TNRC6C: variants seen among roughly 807,000 people sequenced by gnomAD.
TNRC6C encodes the protein trinucleotide repeat containing adaptor 6C, also known as trinucleotide repeat-containing gene 6C protein.
Under a neutral mutation model 153.7 loss-of-function variants are expected in TNRC6C, and 20 were observed. The ratio of observed to expected loss-of-function variants is 0.13; its 90% CI spans 0.09 to 0.19. The LOEUF is 0.19. Ranked by LOEUF, TNRC6C falls within the 10% of genes least tolerant of loss-of-function variation. The pLI is 1.00. For synonymous variants in TNRC6C, 811 were observed against 841.4 expected, an observed-to-expected ratio of 0.96 and a Z score of 0.63; for missense variants, 1,987 against 2,172.0, an observed-to-expected ratio of 0.91 and a Z score of 1.69.
intron 16 of TNRC6C, 28 bp downstream of exon 19, chr17:78,097,889 GTAGCATTTTCT>G: frequency 6.8e-7 from 1 of 1,473,772 alleles, no homozygotes; most frequent in East Asian, 2.5e-5. Flanking sequence ...AGACTTGCAG[GTAGCATTTTCT>G]TTCTTTTCCC....
intron 1 of TNRC6C, among the ~76,000 whole-genome samples, chr17:77,994,762 AAAC>A (rs1240477708): frequency 2.0e-5 from 3 of 152,222 alleles, no homozygotes; most frequent in African/African-American, 7.2e-5. Flanking sequence ...AACAAAAACA[AAAC>A]AACAGGCAAG....
chr17:78,010,249 A>G (rs897347538), intron 1 of TNRC6C, among the ~76,000 whole-genome samples: 2 of 152,140 alleles, frequency 1.3e-5, no homozygotes, highest in Non-Finnish European at 2.9e-5. Flanking sequence ...GAGGTATTAA[A>G]CTTTACCATG....
intron 1 of TNRC6C, among the ~76,000 whole-genome samples, chr17:77,991,488 C>T (rs1285963537): frequency 1.3e-4 from 20 of 152,146 alleles, no homozygotes; most frequent in Non-Finnish European, 2.9e-4. Context: ...AAGTTGTGGT[C>T]ACTTGAATGT....
chr17:78,068,578 G>C (rs993511288), intron 5 of TNRC6C, among the ~76,000 whole-genome samples: 15 of 152,166 alleles, frequency 9.9e-5, no homozygotes, highest in African/African-American at 3.1e-4. Flanking sequence ...TGGATCACTT[G>C]AGGTCAGGAG....
Position 78,086,874 on chromosome 17 carries a change from C to G in TNRC6C, c.3583C>G (p.Leu1195Val), listed in dbSNP as rs1450323735. ...CCAGGTTGCGCGCACAATCACTAATCTGCAGCAGCAGATCCAGCAGCACCA... is the reference window on the plus strand; with the variant it reads ...CCAGGTTGCGCGCACAATCACTAATGTGCAGCAGCAGATCCAGCAGCACCA... Residue 1195 changes from leucine (L) to valine (V), a missense_variant, in exon 13 of 20, where the codon CTG becomes GTG. Physicochemically the swap from Leu to Val is conservative, Grantham distance 32. This residue lies in a region of TNRC6C where 765 missense variants were observed against 908.6 expected (regional missense o/e 0.84). Coordinates refer to ENST00000301624, the Ensembl canonical transcript of TNRC6C. 3.7e-6 allele frequency: 6 copies of G among 1,612,384 alleles called. No homozygotes were observed. The African/African-American group carries it at 8.0e-5, about 22-fold the overall frequency.
intron 14 of TNRC6C, among the ~76,000 whole-genome samples, chr17:78,092,682 C>CCTGAT (rs2073414297): frequency 6.6e-6 from 1 of 151,892 alleles, no homozygotes; most frequent in South Asian, 2.1e-4. Context: ...GAGGTTGAGC[C>CCTGAT]CTGATCACAT....
exon 3 of TNRC6C, chr17:78,051,071 A>G: frequency 6.2e-7 from 1 of 1,607,254 alleles, no homozygotes; most frequent in African/African-American, 1.3e-5. Context: ...TGGGCTAGCA[A>G]ACCCCAAGAC....
intron 1 of TNRC6C, among the ~76,000 whole-genome samples, chr17:78,010,846 TTATTCAAAAGGG>T (rs2071615187): frequency 6.6e-6 from 1 of 152,064 alleles, no homozygotes. Context: ...AATATATAGG[TTATTCAAAAGGG>T]TAAAAATGTA....
upstream of TNRC6C, among the ~76,000 whole-genome samples, chr17:78,000,057 G>T (rs769916004): frequency 1.3e-5 from 2 of 152,156 alleles, no homozygotes; most frequent in African/African-American, 2.4e-5. Flanking sequence ...TGGTCCTGTT[G>T]GTCAGAGCCA....
intron 16 of TNRC6C, among the ~76,000 whole-genome samples, chr17:78,094,976 C>T (rs531465465): frequency 3.9e-5 from 6 of 152,290 alleles, no homozygotes; most frequent in African/African-American, 9.6e-5. Context: ...ACAGGTGAGG[C>T]GCCAGCCAGA....
chr17:78,034,692 G>A (rs919354417), intron 2 of TNRC6C, among the ~76,000 whole-genome samples: 2 of 152,174 alleles, frequency 1.3e-5, no homozygotes, highest in Admixed American at 1.3e-4. Flanking sequence ...GTTTGAGGTC[G>A]GGCGTGGTGG....
chr17:78,016,048 A>G (rs1254215109), intron 1 of TNRC6C, among the ~76,000 whole-genome samples: 1 of 152,214 alleles, frequency 6.6e-6, no homozygotes, highest in Non-Finnish European at 1.5e-5. Flanking sequence ...TGCGTATAAA[A>G]TCACTGAAAG....
At chr17:77,975,620 T>A (rs990817247) in intron 1 of TNRC6C, among the ~76,000 whole-genome samples, 1 of 152,222 alleles carries the variant, frequency 6.6e-6, no homozygotes, top group Admixed American at 6.5e-5. Flanking sequence ...TTGGGTAAAA[T>A]CTGGTCTTTT....
intron 18 of TNRC6C, 151 bp from the exon 22 acceptor site, chr17:78,103,263 T>C (rs964044845): frequency 1.0e-4 from 96 of 918,390 alleles, no homozygotes; most frequent in Non-Finnish European, 1.4e-4. Context: ...ATATAAAACG[T>C]TAATGTTGTA....
chr17:78,099,689 A>G (rs980340287), intron 17 of TNRC6C, among the ~76,000 whole-genome samples: 7 of 152,200 alleles, frequency 4.6e-5, no homozygotes, highest in Non-Finnish European at 1.0e-4. Flanking sequence ...CAGCCAAACC[A>G]TATCATTCTG....
At chr17:78,043,129 A>G (rs148604330) in intron 2 of TNRC6C, among the ~76,000 whole-genome samples, 2 of 152,322 alleles carry the variant, frequency 1.3e-5, no homozygotes, top group African/African-American at 4.8e-5. Flanking sequence ...CAGCTGAAGT[A>G]TGGAAAAAAA....
intron 3 of TNRC6C, among the ~76,000 whole-genome samples, chr17:78,057,046 G>A (rs1301247068): frequency 6.6e-6 from 1 of 152,116 alleles, no homozygotes; most frequent in African/African-American, 2.4e-5. Flanking sequence ...TACTATAGGA[G>A]CAGTTGCAAA....
chr17:78,057,676 T>G (rs1765746274), intron 3 of TNRC6C, among the ~76,000 whole-genome samples: 1 of 152,154 alleles, frequency 6.6e-6, no homozygotes, highest in South Asian at 2.1e-4. Flanking sequence ...AAAGTTGGTG[T>G]TTTTAGGTTT....
chr17:78,037,287 C>T (rs1264941142), intron 2 of TNRC6C, among the ~76,000 whole-genome samples: 2 of 152,192 alleles, frequency 1.3e-5, no homozygotes, highest in South Asian at 4.1e-4. Flanking sequence ...GTGGTTTTGT[C>T]ATGTGTGTCT....
Sources: allele counts gnomAD v4.1 joint callset (sites outside exome capture counted in the v4.1 genomes callset), GRCh38; gene constraint gnomAD v4.1.1; regional missense constraint gnomAD v4.1.1; transcripts MANE v1.5; gene names NCBI Gene and HGNC (gene_info 2026-07-23, HGNC 2026-07-21).